CHL1: variants seen among roughly 807,000 people sequenced by gnomAD.
CHL1 encodes neural cell adhesion molecule L1-like protein.
A neutral mutation model predicts 141.9 loss-of-function variants in CHL1; 96 were observed. The observed-to-expected ratio is 0.68, with a 90% confidence interval of 0.57 to 0.80. The LOEUF is 0.80. Among genes scored for constraint, CHL1 ranks in the 30% least tolerant of loss-of-function variants. The pLI is 0.00. For missense variants in CHL1, 1,820 were observed against 1,457.2 expected (o/e 1.25, Z -4.05); for synonymous variants, 613 against 502.2 (o/e 1.22, Z -2.95).
chr3:387,090 T>C (rs1707796692), intron 19 of CHL1, among the ~76,000 whole-genome samples: 1 of 152,228 alleles, frequency 6.6e-6, no homozygotes, highest in African/African-American at 2.4e-5. Flanking sequence ...GCAGTCTTTC[T>C]GTTTTCTAGA....
chr3:245,871 C>G (rs1040746600), intron 2 of CHL1, among the ~76,000 whole-genome samples: 12 of 152,088 alleles, frequency 7.9e-5, no homozygotes, highest in Non-Finnish European at 1.5e-5. Context: ...CTTCTCTCAT[C>G]CACTGGAGTG....
intron 24 of CHL1, among the ~76,000 whole-genome samples, chr3:397,300 T>C (rs57953394): frequency 6.6e-6 from 1 of 152,094 alleles, no homozygotes; most frequent in Non-Finnish European, 1.5e-5. Context: ...TCTCTCATGG[T>C]GTCATTTTTA....
chr3:227,006 T>G (rs1292552167), intron 1 of CHL1, among the ~76,000 whole-genome samples: 1 of 152,208 alleles, frequency 6.6e-6, no homozygotes, highest in Admixed American at 6.5e-5. Flanking sequence ...TTACTTCAGG[T>G]AAATAATTTC....
intron 24 of CHL1, 50 bp downstream of exon 24, chr3:394,922 C>A: frequency 6.9e-7 from 1 of 1,439,344 alleles, no homozygotes; most frequent in Non-Finnish European, 9.4e-7. Flanking sequence ...AAAGAGACTG[C>A]ATCTTTTTAA....
intron 1 of CHL1, among the ~76,000 whole-genome samples, chr3:233,384 T>A (rs1427237876): frequency 1.2e-4 from 18 of 152,168 alleles, no homozygotes. Context: ...CCAACAGGAA[T>A]GCCATTCTTT....
intron 24 of CHL1, among the ~76,000 whole-genome samples, chr3:395,511 T>C (rs1708597562): frequency 6.6e-6 from 1 of 152,252 alleles, no homozygotes; most frequent in Non-Finnish European, 1.5e-5. Context: ...CTAAGCTTTC[T>C]ATGATAGCAA....
chr3:220,215 C>T (rs555398626), intron 1 of CHL1, among the ~76,000 whole-genome samples: 2 of 152,232 alleles, frequency 1.3e-5, no homozygotes, highest in South Asian at 4.1e-4. Flanking sequence ...GGTATTAATA[C>T]CCCATCTACC....
chr3:230,985 CAT>C (rs1701805264), intron 1 of CHL1, among the ~76,000 whole-genome samples: 1 of 152,170 alleles, frequency 6.6e-6, no homozygotes, highest in Admixed American at 6.5e-5. Context: ...CAGATGCTCA[CAT>C]GTGTTTGTGA....
intron 1 of CHL1, among the ~76,000 whole-genome samples, chr3:232,339 T>C (rs1010972651): frequency 6.6e-6 from 1 of 152,208 alleles, no homozygotes; most frequent in African/African-American, 2.4e-5. Flanking sequence ...AACAATATTT[T>C]GGGAATTGTC....
chr3:267,476 G>A (rs1252303012), intron 2 of CHL1, among the ~76,000 whole-genome samples: 1 of 152,088 alleles, frequency 6.6e-6, no homozygotes, highest in African/African-American at 2.4e-5. Flanking sequence ...TGAAATGTTA[G>A]TATTAAGAAG....
intron 2 of CHL1, among the ~76,000 whole-genome samples, chr3:319,333 C>T (rs1700378240): frequency 6.6e-6 from 1 of 151,478 alleles, no homozygotes; most frequent in African/African-American, 2.4e-5. Context: ...ACTCAATTTA[C>T]CTATGTAACA....
chr3:316,235 G>T (rs1559243222), intron 2 of CHL1, among the ~76,000 whole-genome samples: 2 of 151,940 alleles, frequency 1.3e-5, no homozygotes, highest in Non-Finnish European at 2.9e-5. Flanking sequence ...TTTACAGGTT[G>T]CTCTTTGTTA....
At chr3:285,636 A>T (rs1033263590) in intron 2 of CHL1, among the ~76,000 whole-genome samples, 1 of 152,146 alleles carries the variant, frequency 6.6e-6, no homozygotes, top group Non-Finnish European at 1.5e-5. Context: ...AGTTTACTCA[A>T]TTTTAAAATT....
In CHL1 at chr3:337,541, G is replaced by A. The variant is rs544665541; in HGVS notation, c.386-3253G>A. On this transcript the variant is annotated intron_variant, in intron 5 of 27. Coordinates refer to ENST00000256509, the MANE Select transcript of CHL1 (RefSeq NM_006614.4). Reference sequence around the variant, plus strand: ...CTCCCCCCACCCCACAACAGGCCCCGGTGTGTGATGTCCCCCTTCCTATGT... The same window carrying A: ...CTCCCCCCACCCCACAACAGGCCCCAGTGTGTGATGTCCCCCTTCCTATGT... Among the ~76,000 whole-genome samples, 155 of 98,878 alleles carry A rather than the reference G, an allele frequency of 1.6e-3. 1 individual carries two copies. The highest frequency in any genetic ancestry group is 0.013 in the Middle Eastern group (2 of 150). 64.9% of individuals were successfully genotyped at this position (98,878 alleles called of 152,430 possible). A position where few individuals can be genotyped will look rare whatever the true frequency, so the allele number is the denominator to read the frequency against.
At chr3:237,336 A>T (rs931041676) in intron 1 of CHL1, among the ~76,000 whole-genome samples, 2 of 152,158 alleles carry the variant, frequency 1.3e-5, no homozygotes, top group Non-Finnish European at 2.9e-5. Context: ...CCATGATTGT[A>T]AGTCTCCTGA....
intron 5 of CHL1, among the ~76,000 whole-genome samples, chr3:328,841 C>T (rs977556463): frequency 1.3e-5 from 2 of 152,040 alleles, no homozygotes; most frequent in African/African-American, 4.8e-5. Context: ...TGGGACGAAA[C>T]ATGAAAAATT....
intron 2 of CHL1, among the ~76,000 whole-genome samples, chr3:297,353 G>C (rs1405915900): frequency 2.6e-5 from 4 of 152,148 alleles, no homozygotes; most frequent in Non-Finnish European, 5.9e-5. Context: ...TTTGTGGAGA[G>C]AAAATTAAAA....
chr3:309,231 A>C (rs1699530043), intron 2 of CHL1: 1 of 152,274 alleles, frequency 6.6e-6, no homozygotes, highest in South Asian at 2.1e-4. Flanking sequence ...GGCAGTGCGC[A>C]CCCCAGCTCA....
chr3:331,267 C>A (rs1473412953), intron 5 of CHL1, among the ~76,000 whole-genome samples: 1 of 151,998 alleles, frequency 6.6e-6, no homozygotes, highest in Non-Finnish European at 1.5e-5. Context: ...CTCTCCAGGT[C>A]AGGCTGGAGT....
Sources: allele counts gnomAD v4.1 joint callset (sites outside exome capture counted in the v4.1 genomes callset), GRCh38; gene constraint gnomAD v4.1.1; transcripts MANE v1.5; gene names NCBI Gene and HGNC (gene_info 2026-07-23, HGNC 2026-07-21).